TRIP4: variants seen among roughly 807,000 people sequenced by gnomAD.
TRIP4 encodes the protein activating signal cointegrator 1.
TRIP4 carries 54 observed loss-of-function variants against 81.8 expected under a neutral mutation model. The observed-to-expected ratio is 0.66, with a 90% confidence interval of 0.53 to 0.83. The LOEUF is 0.83. TRIP4 is among the 40% of genes least tolerant of loss of function. TRIP4 has a pLI of 0.00. For missense variants in TRIP4, 662 were observed against 683.6 expected (o/e 0.97, Z 0.35); for synonymous variants, 270 against 242.8 (o/e 1.11, Z -1.04).
intron 11 of TRIP4, among the ~76,000 whole-genome samples, chr15:64,432,091 T>C (rs1892291838): frequency 6.6e-6 from 1 of 150,956 alleles, no homozygotes; most frequent in Non-Finnish European, 1.5e-5. Flanking sequence ...TTCACCATGT[T>C]GGCCAGGCTA....
intron 1 of TRIP4, among the ~76,000 whole-genome samples, chr15:64,388,809 C>T (rs1420258880): frequency 6.6e-6 from 1 of 152,158 alleles, no homozygotes; most frequent in East Asian, 1.9e-4. Context: ...TCTCTCTGTA[C>T]CCTGGTTTCT....
intron 9 of TRIP4, among the ~76,000 whole-genome samples, chr15:64,420,651 G>A (rs1415339324): frequency 6.6e-6 from 1 of 151,918 alleles, no homozygotes; most frequent in Non-Finnish European, 1.5e-5. Context: ...AGCCTCCTGA[G>A]TAGCTGGGAC....
intron 2 of TRIP4, among the ~76,000 whole-genome samples, chr15:64,394,584 G>A (rs1179621420): frequency 7.5e-6 from 1 of 133,328 alleles, no homozygotes; most frequent in African/African-American, 2.9e-5. Context: ...CAGCCTGGGC[G>A]ACAGAGCGAG....
At chr15:64,419,366 T>C (rs1210179393) in intron 9 of TRIP4, among the ~76,000 whole-genome samples, 2 of 152,118 alleles carry the variant, frequency 1.3e-5, no homozygotes, top group Non-Finnish European at 2.9e-5. Flanking sequence ...TCTTTTCTTT[T>C]CTTTTTTTTT....
At chr15:64,397,396 G>A (rs1900325068) in intron 3 of TRIP4, among the ~76,000 whole-genome samples, 1 of 152,188 alleles carries the variant, frequency 6.6e-6, no homozygotes, top group Admixed American at 6.5e-5. Flanking sequence ...TAGCAGAAAA[G>A]ACAAGGTAAT....
chr15:64,406,246 T>C, intron 5 of TRIP4, 84 bp from the exon 6 acceptor site: 1 of 1,536,834 alleles, frequency 6.5e-7, no homozygotes, highest in Non-Finnish European at 8.8e-7. Flanking sequence ...CCAGATCTTC[T>C]GATGTTTTGT....
intron 4 of TRIP4, among the ~76,000 whole-genome samples, chr15:64,399,791 G>T (rs1239078264): frequency 6.6e-6 from 1 of 151,916 alleles, no homozygotes; most frequent in Non-Finnish European, 1.5e-5. Context: ...ATGAGCCACT[G>T]CGCCTGGCCC....
chr15:64,388,120 G>C, intron 1 of TRIP4, 156 bp downstream of exon 1: 1 of 1,291,822 alleles, frequency 7.7e-7, no homozygotes, highest in Non-Finnish European at 9.9e-7. Context: ...CTCCACCTTT[G>C]TAGTTTAGTT....
At chr15:64,392,288 ACT>A (rs1365868534) in intron 1 of TRIP4, among the ~76,000 whole-genome samples, 8 of 151,750 alleles carry the variant, frequency 5.3e-5, no homozygotes, top group Non-Finnish European at 1.0e-4. Flanking sequence ...ACTAAATGAG[ACT>A]CTGTCTGAAA....
At chr15:64,434,341 G>A (rs1445922134) in intron 11 of TRIP4, among the ~76,000 whole-genome samples, 2 of 150,808 alleles carry the variant, frequency 1.3e-5, no homozygotes, top group African/African-American at 4.9e-5. Context: ...AGAGGCTGCA[G>A]TGAGTCGAGA....
chr15:64,450,531 C>T, intron 12 of TRIP4: 1 of 366,830 alleles, frequency 2.7e-6, no homozygotes, highest in Non-Finnish European at 5.5e-6. Context: ...AAGCCCCGGT[C>T]CCTTACCATC....
Position 64,400,946 on chromosome 15 carries a change from G to GT in TRIP4, c.697+125_697+126insT, listed in dbSNP as rs1160277589. ...TATTCACTCATTCTCAGTTTTTTTG[G>GT]GGGGTTTTTTTTGTTTTGTTTTGTT... On this transcript the variant is annotated intron_variant, in intron 5 of 12. Transcript: ENST00000261884. The GT allele has an allele frequency of 4.6e-6, 3 of 655,112 alleles. No individual in the cohort carries two copies. The East Asian group carries it at 9.3e-5, about 20-fold the overall frequency. 40.6% of individuals were successfully genotyped at this position (655,112 alleles called of 1,614,324 possible). A position where few individuals can be genotyped will look rare whatever the true frequency, so the allele number is the denominator to read the frequency against.
intron 10 of TRIP4, chr15:64,424,366 A>G (rs563578282): frequency 6.2e-5 from 36 of 576,566 alleles, no homozygotes; most frequent in Middle Eastern, 5.1e-4. Flanking sequence ...AATTTCCAAC[A>G]CAAGAAATCA....
At chr15:64,415,231 A>G (rs145784207) in intron 8 of TRIP4, among the ~76,000 whole-genome samples, 36 of 152,348 alleles carry the variant, frequency 2.4e-4, no homozygotes, top group African/African-American at 8.7e-4. Flanking sequence ...ATTTCCAAGC[A>G]CACAAATCTG....
chr15:64,427,488 A>C (rs536618086), intron 11 of TRIP4, among the ~76,000 whole-genome samples: 4 of 151,818 alleles, frequency 2.6e-5, no homozygotes, highest in South Asian at 2.1e-4. Flanking sequence ...TGATCCTCCC[A>C]CCTCAGCCTC....
At chr15:64,427,574 C>G (rs1205810246) in intron 11 of TRIP4, among the ~76,000 whole-genome samples, 2 of 152,118 alleles carry the variant, frequency 1.3e-5, no homozygotes, top group Non-Finnish European at 2.9e-5. Flanking sequence ...CAAGATTTCA[C>G]CATGTTGGCG....
chr15:64,454,170 G>A (rs920550738), intron 12 of TRIP4, among the ~76,000 whole-genome samples: 1 of 144,248 alleles, frequency 6.9e-6, no homozygotes, highest in Non-Finnish European at 1.5e-5. Context: ...ACTGAATTAT[G>A]TTTCTATTTT....
intron 12 of TRIP4, 117 bp downstream of exon 12, chr15:64,445,225 C>G: frequency 1.8e-6 from 1 of 553,338 alleles, no homozygotes; most frequent in East Asian, 3.2e-5. Flanking sequence ...TGAGGTAACC[C>G]ACTACCTTTG....
chr15:64,412,529 A>T (rs1891789279), intron 7 of TRIP4, among the ~76,000 whole-genome samples: 1 of 149,252 alleles, frequency 6.7e-6, no homozygotes, highest in Non-Finnish European at 1.5e-5. Flanking sequence ...GGCTTTCTTA[A>T]ATCTGCCACT....
Sources: gnomAD v4.1 joint callset for allele counts (sites outside exome capture counted in the v4.1 genomes callset) on GRCh38, gnomAD v4.1.1 for gene constraint, MANE v1.5 for transcripts, NCBI Gene and HGNC (gene_info 2026-07-23, HGNC 2026-07-21) for gene names.